KLHL7: variants seen among roughly 807,000 people sequenced by gnomAD.
KLHL7 encodes kelch like family member 7, also known as kelch-like protein 7.
KLHL7 carries 44 observed loss-of-function variants against 67.4 expected under a neutral mutation model. The observed-to-expected ratio is 0.65, with a 90% CI of 0.51 to 0.84. KLHL7 has a LOEUF of 0.84. Ranked by LOEUF, KLHL7 falls within the 40% of genes least tolerant of loss-of-function variation. The probability of loss-of-function intolerance (pLI) is 0.00; values close to 1 mark genes in which losing one functional copy is unlikely to be tolerated. For missense variants in KLHL7, 362 were observed against 718.1 expected (o/e 0.50, Z 5.67); for synonymous variants, 252 against 243.3 (o/e 1.04, Z -0.33).
intron 1 of KLHL7, among the ~76,000 whole-genome samples, chr7:23,108,767 G>T (rs879573220): frequency 6.6e-5 from 10 of 152,212 alleles, no homozygotes; most frequent in Non-Finnish European, 1.5e-5. Context: ...TCCTGTGTTT[G>T]AACTTATATA....
rs536348851 is a variant in KLHL7 at position 23,138,401 on chromosome 7, G to A, written c.443-2368G>A. 9.0e-5 allele frequency among the ~76,000 whole-genome samples: 13 copies of A among 145,092 alleles called. No individual in the cohort carries two copies. In the South Asian group the frequency reaches 2.9e-3, roughly 32 times the overall value. ...ACTTGAAACCTGGGAGGTGGGGTTT[G>A]CAGTGAGCCGAGATCGGGCCACTGC... On this transcript the variant is annotated intron_variant, in intron 4 of 10. Transcript: ENST00000339077.
chr7:23,120,549 C>A (rs1265397836), intron 1 of KLHL7, among the ~76,000 whole-genome samples: 1 of 152,044 alleles, frequency 6.6e-6, no homozygotes, highest in Admixed American at 6.5e-5. Context: ...TCAATATCTT[C>A]TTTCTAGAAT....
intron 1 of KLHL7, among the ~76,000 whole-genome samples, chr7:23,119,146 T>A (rs1783223536): frequency 6.6e-6 from 1 of 152,238 alleles, no homozygotes; most frequent in African/African-American, 2.4e-5. Flanking sequence ...TACACACAGT[T>A]ACCCCTATCA....
intron 7 of KLHL7, among the ~76,000 whole-genome samples, chr7:23,162,277 T>C (rs1784873983): frequency 6.6e-6 from 1 of 152,240 alleles, no homozygotes; most frequent in Non-Finnish European, 1.5e-5. Context: ...TAATATCTCT[T>C]AGTTTTCTTA....
intron 6 of KLHL7, among the ~76,000 whole-genome samples, chr7:23,151,176 C>CT (rs1784524493): frequency 9.7e-6 from 1 of 102,842 alleles, no homozygotes; most frequent in East Asian, 2.7e-4. Flanking sequence ...TTTTTCTTTT[C>CT]TTTTTTTTAA....
intron 1 of KLHL7, chr7:23,106,917 C>T (rs1782667945): frequency 4.4e-6 from 3 of 674,444 alleles, no homozygotes; most frequent in Non-Finnish European, 5.5e-6. Flanking sequence ...TTTCTGTAAG[C>T]TTTATTTATA....
chr7:23,124,508 T>A (rs1783490068), intron 2 of KLHL7, among the ~76,000 whole-genome samples, 180 bp from the exon 3 acceptor site: 1 of 152,216 alleles, frequency 6.6e-6, no homozygotes, highest in Admixed American at 6.5e-5. Context: ...TTAAGGCACA[T>A]CTTGGGTGGA....
chr7:23,137,701 A>T (rs953460136), intron 4 of KLHL7, among the ~76,000 whole-genome samples: 1 of 149,722 alleles, frequency 6.7e-6, no homozygotes. Flanking sequence ...CTGGTCTCGA[A>T]CTCCTGACCT....
intron 1 of KLHL7, among the ~76,000 whole-genome samples, chr7:23,122,012 A>G (rs560486495): frequency 2.0e-5 from 3 of 152,128 alleles, no homozygotes; most frequent in Non-Finnish European, 2.9e-5. Context: ...TTATCAGTCT[A>G]TTGTAGTATA....
intron 4 of KLHL7, among the ~76,000 whole-genome samples, chr7:23,127,705 A>G (rs532577516): frequency 3.3e-4 from 50 of 151,962 alleles, no homozygotes; most frequent in African/African-American, 1.2e-3. Context: ...CTCTCTACCA[A>G]AAAAATACAA....
At position 23,123,789 on chromosome 7, in the gene KLHL7, G is replaced by C. The variant is rs532971550; in HGVS notation, c.133G>C (p.Asp45His). ...NNMRKQKTLC[D>H]VILMVQERKI... ...TTCCTTTGATTAGAAAACGTTGTGT[G>C]ACGTGATCCTCATGGTCCAGGAAAG... is the stretch of plus-strand genomic sequence containing the variant. The change falls in exon 2 of 11, where the codon GAC becomes CAC. Residue 45 changes from aspartate to histidine, a missense_variant. By Grantham distance (81) the Asp-to-His change is moderately conservative (BLOSUM62 -1). Coordinates refer to ENST00000339077, the MANE Select transcript of KLHL7 (RefSeq NM_001031710.3). 2 of 1,612,434 alleles carry C rather than the reference G, an allele frequency of 1.2e-6. No individual in the cohort carries two copies. The highest frequency in any genetic ancestry group is 2.2e-5 in the South Asian group (2 of 91,018).
intron 7 of KLHL7, among the ~76,000 whole-genome samples, chr7:23,164,488 T>TA: frequency 6.6e-6 from 1 of 152,334 alleles, no homozygotes; most frequent in South Asian, 2.1e-4. Flanking sequence ...CAAGTGAAAA[T>TA]ATTTTCCCCC....
At chr7:23,119,668 C>A (rs985821502) in intron 1 of KLHL7, among the ~76,000 whole-genome samples, 1 of 152,236 alleles carries the variant, frequency 6.6e-6, no homozygotes, top group Non-Finnish European at 1.5e-5. Context: ...CTTCTCACTA[C>A]ATTTTTGAAA....
intron 5 of KLHL7, among the ~76,000 whole-genome samples, chr7:23,141,821 C>T (rs1460823583): frequency 6.6e-6 from 1 of 152,074 alleles, no homozygotes; most frequent in East Asian, 1.9e-4. Flanking sequence ...GACGGGGTTT[C>T]ACCGTGTTAG....
At chr7:23,109,937 C>T (rs182901080) in intron 1 of KLHL7, among the ~76,000 whole-genome samples, 55 of 152,324 alleles carry the variant, frequency 3.6e-4, no homozygotes, top group Non-Finnish European at 4.9e-4. Flanking sequence ...TCCACTGTCT[C>T]TCCAGTGTCC....
intron 2 of KLHL7, among the ~76,000 whole-genome samples, chr7:23,124,236 T>C (rs1317732291): frequency 6.7e-6 from 1 of 149,296 alleles, no homozygotes; most frequent in East Asian, 1.9e-4. Context: ...CAGGGTTTTC[T>C]TTTTAACCTT....
chr7:23,159,150 G>A (rs1274808419), intron 7 of KLHL7, among the ~76,000 whole-genome samples: 1 of 152,110 alleles, frequency 6.6e-6, no homozygotes, highest in Non-Finnish European at 1.5e-5. Context: ...TAGATCATTG[G>A]TCTTTTGTCT....
intron 6 of KLHL7, among the ~76,000 whole-genome samples, chr7:23,151,275 C>T (rs1301795478): frequency 1.3e-5 from 2 of 149,986 alleles, no homozygotes; most frequent in South Asian, 2.1e-4. Flanking sequence ...TAATTTCTTT[C>T]TTCATATTGT....
In KLHL7 at chr7:23,174,238, A is replaced by G. The variant is rs373719494; in HGVS notation, c.1701A>G (p.Thr567=). Residue 567 remains threonine (T), a synonymous_variant, in exon 11 of 11, where the codon ACA becomes ACG. Transcript: ENST00000339077. ...ANSKVRAFPV[T]SCLICVVDTC... ...CCAAAGTTCGTGCTTTTCCAGTCAC[A>G]AGTTGTTTAATTTGTGTTGTCGATA... 3.1e-6 allele frequency: 5 copies of G among 1,614,030 alleles called. No homozygotes were observed. The highest frequency in any genetic ancestry group is 4.2e-6 in the Non-Finnish European group (5 of 1,180,006).
Sources: allele counts gnomAD v4.1 joint callset (sites outside exome capture counted in the v4.1 genomes callset), GRCh38; gene constraint gnomAD v4.1.1; transcripts MANE v1.5; gene names NCBI Gene and HGNC (gene_info 2026-07-23, HGNC 2026-07-21).